Variants in ATOSA observed in about 807,000 individuals in gnomAD.
The protein encoded by ATOSA is atos homolog protein A.
chr15:52,691,006 G>A, the ATOSA span, among the ~76,000 whole-genome samples: 81 of 152,250 alleles, frequency 5.3e-4, no homozygotes, highest in African/African-American at 1.9e-3. Context: ...ATATTTCTTA[G>A]ACCAACTAAA....
chr15:52,677,852 T>C, the ATOSA span, among the ~76,000 whole-genome samples: 25 of 152,340 alleles, frequency 1.6e-4, no homozygotes, highest in Admixed American at 1.4e-3. Flanking sequence ...TATGCCTTTC[T>C]CTACCTCACC....
chr15:52,688,994 T>G, the ATOSA span, among the ~76,000 whole-genome samples: 197 of 152,354 alleles, frequency 1.3e-3, no homozygotes, highest in East Asian at 2.1e-3. Flanking sequence ...ACAGTGCCAT[T>G]GCTTTGAATC....
chr15:52,587,284 G>T, the ATOSA span: 1 of 1,300,334 alleles, frequency 7.7e-7, no homozygotes, highest in Non-Finnish European at 1.1e-6. Flanking sequence ...ACTAAAATAA[G>T]AATAACTCAT....
At chr15:52,620,048 A>G in the ATOSA span, among the ~76,000 whole-genome samples, 1 of 152,096 alleles carries the variant, frequency 6.6e-6, no homozygotes. Flanking sequence ...CTATGATCAG[A>G]CTGACTGCTT....
At chr15:52,607,609 C>T in the ATOSA span, among the ~76,000 whole-genome samples, 1 of 152,150 alleles carries the variant, frequency 6.6e-6, no homozygotes, top group African/African-American at 2.4e-5. Flanking sequence ...TTCCTCATAA[C>T]TGTCCTACCT....
the ATOSA span, among the ~76,000 whole-genome samples, chr15:52,672,919 C>G: frequency 6.6e-6 from 1 of 152,128 alleles, no homozygotes; most frequent in Non-Finnish European, 1.5e-5. Flanking sequence ...TTGTATCAAG[C>G]CATTGATTAT....
the ATOSA span, among the ~76,000 whole-genome samples, chr15:52,675,872 C>G: frequency 1.3e-5 from 2 of 150,728 alleles, no homozygotes; most frequent in African/African-American, 4.9e-5. Flanking sequence ...CGCCACTGCA[C>G]TCCAGCCTGG....
the ATOSA span, among the ~76,000 whole-genome samples, chr15:52,618,819 G>C: frequency 1.3e-5 from 2 of 151,956 alleles, no homozygotes; most frequent in Non-Finnish European, 2.9e-5. Flanking sequence ...CAGAGTGCTG[G>C]GATTACAGGT....
chr15:52,611,307 A>C, the ATOSA span: 1 of 1,591,994 alleles, frequency 6.3e-7, no homozygotes, highest in African/African-American at 1.4e-5. Flanking sequence ...AAAATGACTG[A>C]ATTTTAGAAT....
At chr15:52,593,091 G>A in the ATOSA span, among the ~76,000 whole-genome samples, 1 of 152,028 alleles carries the variant, frequency 6.6e-6, no homozygotes, top group African/African-American at 2.4e-5. Context: ...GGCTACAGTG[G>A]GCTATGACTG....
chr15:52,584,583 G>T, the ATOSA span, among the ~76,000 whole-genome samples: 54 of 152,120 alleles, frequency 3.5e-4, no homozygotes, highest in African/African-American at 1.2e-3. Context: ...CCACAGGAAG[G>T]TATGCCATGT....
chr15:52,617,557 C>T, the ATOSA span, among the ~76,000 whole-genome samples: 5 of 151,958 alleles, frequency 3.3e-5, no homozygotes, highest in African/African-American at 4.8e-5. Flanking sequence ...AAAAGTAACA[C>T]ATTTAGTGAG....
the ATOSA span, among the ~76,000 whole-genome samples, chr15:52,680,667 G>A: frequency 6.6e-6 from 1 of 152,162 alleles, no homozygotes; most frequent in East Asian, 1.9e-4. Flanking sequence ...CTCCACGATT[G>A]TATCTAATCA....
the ATOSA span, chr15:52,601,018 T>A: frequency 1.6e-5 from 15 of 936,570 alleles, no homozygotes; most frequent in Middle Eastern, 2.6e-4. Flanking sequence ...TCAACATTAT[T>A]TATTGTTAAA....
At chr15:52,591,270 G>A in the ATOSA span, among the ~76,000 whole-genome samples, 61 of 152,138 alleles carry the variant, frequency 4.0e-4, no homozygotes, top group African/African-American at 1.4e-3. Flanking sequence ...TGCTCTTGTC[G>A]CCCAGGCTGC....
chr15:52,605,839 C>T, the ATOSA span, among the ~76,000 whole-genome samples: 8 of 151,986 alleles, frequency 5.3e-5, no homozygotes, highest in Non-Finnish European at 1.2e-4. Flanking sequence ...GGATATATTC[C>T]ATGAACCCCA....
the ATOSA span, chr15:52,593,370 C>A: frequency 2.0e-6 from 1 of 494,562 alleles, no homozygotes; most frequent in Non-Finnish European, 3.6e-6. Flanking sequence ...GAAATAAGTA[C>A]ATTTTTAGTA....
the ATOSA span, among the ~76,000 whole-genome samples, chr15:52,651,019 T>C: frequency 6.6e-6 from 1 of 152,152 alleles, no homozygotes; most frequent in African/African-American, 2.4e-5. Flanking sequence ...TTTTTCCAGA[T>C]CCTATATAAA....
chr15:52,638,509 C>A, the ATOSA span, among the ~76,000 whole-genome samples: 17 of 151,896 alleles, frequency 1.1e-4, 1 homozygote, highest in African/African-American at 4.1e-4. Context: ...GCCTGGCCAA[C>A]AGAGTGAAAC....
Sources: gnomAD v4.1 joint callset for allele counts (sites outside exome capture counted in the v4.1 genomes callset) on GRCh38, gnomAD v4.1.1 for gene constraint, MANE v1.5 for transcripts, NCBI Gene and HGNC (gene_info 2026-07-23, HGNC 2026-07-21) for gene names.